PPIL4: variants seen among roughly 807,000 people sequenced by gnomAD.
PPIL4 encodes the protein peptidyl-prolyl cis-trans isomerase-like 4.
PPIL4 carries 50 observed loss-of-function variants against 69.1 expected under a neutral mutation model. The observed-to-expected ratio is 0.72, with a 90% CI of 0.58 to 0.92. The LOEUF is 0.92. Among genes scored for constraint, PPIL4 ranks in the 40% least tolerant of loss-of-function variants. The probability of loss-of-function intolerance (pLI) is 0.00; values close to 1 mark genes in which losing one functional copy is unlikely to be tolerated. For missense variants in PPIL4, 480 were observed against 587.9 expected (o/e 0.82, Z 1.90); for synonymous variants, 193 against 191.6 (o/e 1.01, Z -0.06).
Position 149,541,604 on chromosome 6 carries a change from C to T in PPIL4, c.71-18G>A. 1 of 1,348,512 alleles carries T rather than the reference C, an allele frequency of 7.4e-7. No homozygotes were observed. The highest frequency in any genetic ancestry group is 1.2e-5 in the South Asian group (1 of 83,932). 83.5% of individuals were successfully genotyped at this position (1,348,512 alleles called of 1,614,324 possible). A position where few individuals can be genotyped will look rare whatever the true frequency, so the allele number is the denominator to read the frequency against. ...CAAGCAGGCTGAAAGAAAGTAAATA[C>T]CAAATTTATCACAGTAATCCACAAA... On this transcript the variant is annotated intron_variant, in intron 1 of 12. Coordinates refer to ENST00000253329, the MANE Select transcript of PPIL4 (RefSeq NM_139126.4).
intron 11 of PPIL4, among the ~76,000 whole-genome samples, chr6:149,512,940 C>A (rs549894874): frequency 1.3e-5 from 2 of 151,806 alleles, no homozygotes; most frequent in South Asian, 4.2e-4. Context: ...AACGGGGCTT[C>A]CCCATGTTGG....
chr6:149,520,208 T>C (rs1366432877), intron 10 of PPIL4, among the ~76,000 whole-genome samples: 2 of 152,090 alleles, frequency 1.3e-5, no homozygotes, highest in Non-Finnish European at 2.9e-5. Context: ...TTTTCCTTTT[T>C]AAAAGGAGAA....
intron 7 of PPIL4, among the ~76,000 whole-genome samples, chr6:149,529,103 T>C (rs898708299): frequency 6.6e-6 from 1 of 151,930 alleles, no homozygotes; most frequent in Non-Finnish European, 1.5e-5. Flanking sequence ...TGGTGGCGTG[T>C]GCCTATAGTC....
chr6:149,511,297 T>G (rs1047838642), intron 12 of PPIL4, among the ~76,000 whole-genome samples: 3 of 152,000 alleles, frequency 2.0e-5, no homozygotes, highest in African/African-American at 7.3e-5. Context: ...GGCAGTGGCA[T>G]GATCTGGGCT....
At chr6:149,536,262 C>A (rs911946966) in intron 4 of PPIL4, among the ~76,000 whole-genome samples, 1 of 152,032 alleles carries the variant, frequency 6.6e-6, no homozygotes, top group African/African-American at 2.4e-5. Context: ...CCCCGAGACA[C>A]AATACTGAAA....
intron 10 of PPIL4, chr6:149,517,991 C>CA (rs35985640): frequency 0.028 from 4,079 of 144,632 alleles, 160 homozygotes; most frequent in African/African-American, 0.097. Context: ...AACTCCGTTT[C>CA]AAAAAAAAAA....
At chr6:149,539,037 G>C (rs1337915663) in intron 4 of PPIL4, among the ~76,000 whole-genome samples, 2 of 152,066 alleles carry the variant, frequency 1.3e-5, no homozygotes, top group Admixed American at 6.6e-5. Context: ...AGTAGAGACG[G>C]GGTTTCACCA....
chr6:149,522,801 C>T (rs1220180014), intron 9 of PPIL4, among the ~76,000 whole-genome samples: 4 of 152,000 alleles, frequency 2.6e-5, no homozygotes, highest in African/African-American at 4.8e-5. Context: ...TTACTAGAGA[C>T]GGGGTTTCAC....
intron 1 of PPIL4, among the ~76,000 whole-genome samples, chr6:149,545,450 G>C (rs1777424348): frequency 6.6e-6 from 1 of 152,128 alleles, no homozygotes; most frequent in South Asian, 2.1e-4. Flanking sequence ...TGCCTCGAAG[G>C]CTCAGTCCAC....
At chr6:149,520,416 G>A (rs976960515) in intron 10 of PPIL4, among the ~76,000 whole-genome samples, 6 of 151,990 alleles carry the variant, frequency 3.9e-5, no homozygotes, top group South Asian at 4.2e-4. Flanking sequence ...AATTTAAGTT[G>A]TGCACCTAAA....
At chr6:149,512,545 G>A (rs1776868920) in intron 11 of PPIL4, among the ~76,000 whole-genome samples, 2 of 151,844 alleles carry the variant, frequency 1.3e-5, no homozygotes, top group Admixed American at 1.3e-4. Context: ...AAAATTAGGA[G>A]GAAAAAATAA....
At position 149,545,986 on chromosome 6, in the gene PPIL4, G is replaced by A. The variant is rs781646976; in HGVS notation, c.20C>T (p.Thr7Ile). The A allele has an allele frequency of 1.3e-6, 2 of 1,585,292 alleles. No individual in the cohort carries two copies. The highest frequency in any genetic ancestry group is 1.7e-6 in the Non-Finnish European group (2 of 1,163,090). Residue 7 changes from threonine to isoleucine, a missense_variant, in exon 1 of 13, where the codon ACC becomes ATC. Transcript: ENST00000253329. MAVLLE[T>I]TLGDVVIDLY... ...GTCGATGACGACGTCGCCTAAAGTGGTCTCCAGTAGAACCGCCATGGCGCC... is the reference window on the plus strand; with the variant it reads ...GTCGATGACGACGTCGCCTAAAGTGATCTCCAGTAGAACCGCCATGGCGCC...
intron 12 of PPIL4, among the ~76,000 whole-genome samples, chr6:149,507,071 G>C (rs1776780765): frequency 6.6e-6 from 1 of 152,154 alleles, no homozygotes; most frequent in African/African-American, 2.4e-5. Context: ...ACTGCCCAAA[G>C]GAAAGGAAAA....
intron 12 of PPIL4, among the ~76,000 whole-genome samples, chr6:149,511,615 C>T (rs9377223): frequency 0.37 from 55,507 of 152,032 alleles, 14,092 homozygotes; most frequent in East Asian, 0.77. Flanking sequence ...AAAGCACAGG[C>T]TGGAAATAAT....
At chr6:149,540,252 G>T (rs942014200) in intron 4 of PPIL4, among the ~76,000 whole-genome samples, 1 of 152,200 alleles carries the variant, frequency 6.6e-6, no homozygotes, top group Non-Finnish European at 1.5e-5. Flanking sequence ...AGAATTAACA[G>T]GGTCATTGGG....
chr6:149,519,089 AG>A (rs2115030985), intron 10 of PPIL4, among the ~76,000 whole-genome samples: 1 of 152,310 alleles, frequency 6.6e-6, no homozygotes, highest in South Asian at 2.1e-4. Context: ...ATTTTATCTT[AG>A]GAAAAAACAT....
At chr6:149,505,997 A>C (rs1291517654) in intron 12 of PPIL4, among the ~76,000 whole-genome samples, 1 of 152,220 alleles carries the variant, frequency 6.6e-6, no homozygotes. Context: ...CTCTAGAGCA[A>C]TCTGCAAAAT....
chr6:149,507,738 T>C (rs572938731), intron 12 of PPIL4, among the ~76,000 whole-genome samples: 1 of 152,344 alleles, frequency 6.6e-6, no homozygotes, highest in East Asian at 1.9e-4. Flanking sequence ...ACTGAAACTT[T>C]AAAATCACTC....
chr6:149,530,924 G>A (rs1583210070), intron 7 of PPIL4, among the ~76,000 whole-genome samples: 1 of 152,146 alleles, frequency 6.6e-6, no homozygotes, highest in Non-Finnish European at 1.5e-5. Context: ...CCATGACCAA[G>A]TGACCAAAAT....
Sources: gnomAD v4.1 joint callset for allele counts (sites outside exome capture counted in the v4.1 genomes callset) on GRCh38, gnomAD v4.1.1 for gene constraint, MANE v1.5 for transcripts, NCBI Gene and HGNC (gene_info 2026-07-23, HGNC 2026-07-21) for gene names.